Variants in UNC13C observed in about 807,000 individuals in gnomAD.
UNC13C encodes protein unc-13 homolog C.
Under a neutral mutation model 245.4 loss-of-function variants are expected in UNC13C, and 174 were observed. That is an observed-to-expected ratio of 0.71 (90% CI 0.63 to 0.80). The LOEUF is 0.80. UNC13C is among the 30% of genes least tolerant of loss of function. UNC13C has a pLI of 0.00. For missense variants in UNC13C, 2,829 were observed against 2,602.9 expected, an observed-to-expected ratio of 1.09 and a Z score of -1.89; for synonymous variants, 992 against 895.1, an observed-to-expected ratio of 1.11 and a Z score of -1.93.
intron 27 of UNC13C, among the ~76,000 whole-genome samples, chr15:54,547,573 T>C (rs1896538699): frequency 6.6e-6 from 1 of 152,190 alleles, no homozygotes; most frequent in East Asian, 1.9e-4. Flanking sequence ...TGCATTATTA[T>C]ACATTAGTTA....
intron 2 of UNC13C, chr15:54,050,549 C>A (rs1595770343): frequency 8.7e-6 from 4 of 461,758 alleles, no homozygotes; most frequent in East Asian, 5.6e-5. Context: ...TATCTTCCTG[C>A]AAGTATTCTC....
At chr15:54,219,118 C>G (rs2035138638) in intron 4 of UNC13C, among the ~76,000 whole-genome samples, 1 of 150,982 alleles carries the variant, frequency 6.6e-6, no homozygotes, top group South Asian at 2.1e-4. Context: ...CATATGGAAC[C>G]AAAAAAGAGA....
intron 4 of UNC13C, among the ~76,000 whole-genome samples, chr15:54,231,033 A>G (rs2035536290): frequency 6.6e-6 from 1 of 152,036 alleles, no homozygotes; most frequent in African/African-American, 2.4e-5. Context: ...TCCTGTCTGT[A>G]ATGCCTATAG....
chr15:54,296,379 TTTTA>T (rs370336796), intron 11 of UNC13C, among the ~76,000 whole-genome samples: 8,215 of 96,574 alleles, frequency 0.085, 530 homozygotes, highest in African/African-American at 0.28. Context: ...TTTTTTTTTT[TTTTA>T]TTTTTTTTTA....
At chr15:54,448,371 G>C (rs547791501) in intron 19 of UNC13C, among the ~76,000 whole-genome samples, 1 of 152,226 alleles carries the variant, frequency 6.6e-6, no homozygotes, top group Admixed American at 6.5e-5. Flanking sequence ...GTTGACTGTG[G>C]GGTGTTAAAG....
intron 4 of UNC13C, among the ~76,000 whole-genome samples, chr15:54,200,054 A>T (rs548284210): frequency 2.0e-5 from 3 of 148,776 alleles, no homozygotes; most frequent in African/African-American, 7.3e-5. Context: ...GACAAAACAA[A>T]CTTTAAAGCA....
At chr15:54,431,755 T>C (rs1429612401) in intron 19 of UNC13C, among the ~76,000 whole-genome samples, 1 of 151,674 alleles carries the variant, frequency 6.6e-6, no homozygotes, top group African/African-American at 2.4e-5. Flanking sequence ...CCATATGGTC[T>C]CTGTAGCTAT....
chr15:54,162,978 G>A (rs145593114), intron 4 of UNC13C, among the ~76,000 whole-genome samples: 17 of 152,160 alleles, frequency 1.1e-4, no homozygotes, highest in Non-Finnish European at 1.3e-4. Flanking sequence ...AAGTTGTGCC[G>A]CGTTTTAGGA....
At chr15:54,113,248 A>G (rs1442084700) in intron 2 of UNC13C, among the ~76,000 whole-genome samples, 1 of 152,202 alleles carries the variant, frequency 6.6e-6, no homozygotes, top group Non-Finnish European at 1.5e-5. Flanking sequence ...GAGAGAGAAA[A>G]GAAAGAATGC....
At chr15:54,547,404 G>A (rs1896533211) in intron 27 of UNC13C, among the ~76,000 whole-genome samples, 1 of 152,100 alleles carries the variant, frequency 6.6e-6, no homozygotes. Flanking sequence ...CTGGTCAAGT[G>A]GATACACAGA....
rs536692817 is a variant in UNC13C, at chr15:54,510,559, A to T, written c.5380-1194A>T. On this transcript the variant is annotated intron_variant, in intron 23 of 32. Transcript: ENST00000260323. The stretch of plus-strand genomic sequence containing the variant: ...AAAATAAAGTTTTTAAGTGACTGGA[A>T]TCAAGGAAACAGAAAGGAATTATTA... 3.3e-5 allele frequency among the ~76,000 whole-genome samples: 5 copies of T among 152,312 alleles called. No homozygotes were observed. The South Asian group carries it at 1.0e-3, about 32-fold the overall frequency.
chr15:54,293,784 A>G (rs1369942227), intron 10 of UNC13C, 111 bp from the exon 11 acceptor site: 7 of 820,996 alleles, frequency 8.5e-6, no homozygotes, highest in Admixed American at 4.2e-5. Context: ...TATCTCATTT[A>G]TTATGTAGTA....
chr15:54,389,196 A>G (rs556840715), intron 17 of UNC13C, among the ~76,000 whole-genome samples: 8 of 152,314 alleles, frequency 5.3e-5, no homozygotes, highest in African/African-American at 1.7e-4. Context: ...GCACGATGAG[A>G]TGGGGGAACA....
At chr15:54,047,330 G>A (rs185263516) in intron 2 of UNC13C, among the ~76,000 whole-genome samples, 1 of 151,920 alleles carries the variant, frequency 6.6e-6, no homozygotes, top group East Asian at 1.9e-4. Flanking sequence ...TCAGAATGTT[G>A]AGCAACCATC....
intron 4 of UNC13C, among the ~76,000 whole-genome samples, chr15:54,228,099 A>C (rs2035444729): frequency 6.6e-6 from 1 of 152,064 alleles, no homozygotes; most frequent in South Asian, 2.1e-4. Flanking sequence ...TCTCCTTTCC[A>C]TATAAGAAGA....
intron 19 of UNC13C, among the ~76,000 whole-genome samples, chr15:54,426,516 A>G (rs2140968404): frequency 1.3e-5 from 2 of 151,430 alleles, no homozygotes; most frequent in South Asian, 4.2e-4. Context: ...AAAAGTTGTA[A>G]TCTCTTATAA....
intron 19 of UNC13C, among the ~76,000 whole-genome samples, chr15:54,494,092 C>G (rs1350988166): frequency 6.6e-6 from 1 of 152,088 alleles, no homozygotes; most frequent in Non-Finnish European, 1.5e-5. Context: ...GATCTACTCA[C>G]TTCATATCTC....
At chr15:54,039,519 C>G (rs1414138881) in intron 2 of UNC13C, among the ~76,000 whole-genome samples, 1 of 152,140 alleles carries the variant, frequency 6.6e-6, no homozygotes, top group African/African-American at 2.4e-5. Flanking sequence ...ACAGATATTT[C>G]TACCATTGAC....
chr15:54,011,497 G>A (rs1308763692), intron 1 of UNC13C, among the ~76,000 whole-genome samples: 1 of 152,206 alleles, frequency 6.6e-6, no homozygotes, highest in African/African-American at 2.4e-5. Flanking sequence ...TTATCTACCT[G>A]ATTGCAGCTT....
Sources: gnomAD v4.1 joint callset for allele counts (sites outside exome capture counted in the v4.1 genomes callset) on GRCh38, gnomAD v4.1.1 for gene constraint, MANE v1.5 for transcripts, NCBI Gene and HGNC (gene_info 2026-07-23, HGNC 2026-07-21) for gene names.